The following ADGRF1 variants were observed in gnomAD, a reference collection of about 807,000 sequenced individuals.
ADGRF1 encodes the protein G protein-coupled receptor 110.
Under a neutral mutation model 87.2 loss-of-function variants are expected in ADGRF1, and 85 were observed. The ratio of observed to expected loss-of-function variants is 0.97; its 90% confidence interval spans 0.82 to 1.17. The LOEUF is 1.17. ADGRF1 is among the 50% of genes most tolerant of loss of function. The pLI, the probability that ADGRF1 is intolerant of heterozygous loss-of-function variation, is 0.00. For synonymous variants in ADGRF1, 430 were observed against 408.8 expected, an observed-to-expected ratio of 1.05 and a Z score of -0.63; for missense variants, 1,169 against 1,077.2, an observed-to-expected ratio of 1.09 and a Z score of -1.19.
chr6:47,024,560 C>T (rs1206383375), intron 4 of ADGRF1, among the ~76,000 whole-genome samples: 3 of 152,160 alleles, frequency 2.0e-5, no homozygotes, highest in Non-Finnish European at 4.4e-5. Flanking sequence ...GTGATCTGCC[C>T]GCCTTGGCCT....
intron 1 of ADGRF1, among the ~76,000 whole-genome samples, chr6:47,036,626 A>G (rs1188248101): frequency 6.6e-6 from 1 of 152,168 alleles, no homozygotes; most frequent in Non-Finnish European, 1.5e-5. Context: ...TACTTCTCCG[A>G]CTTCTCATTC....
In ADGRF1 at chr6:47,006,185, T is replaced by C. The variant is rs1779521795; in HGVS notation, c.2533-309A>G. ...AAGAGTTTCCTAACCACATGAATGG[T>C]AAGACAAGGCAATTACTTTTAGTAC... On this transcript the variant is annotated intron_variant, in intron 12 of 14. Coordinates refer to ENST00000371253, the MANE Select transcript of ADGRF1 (RefSeq NM_153840.4). 2.0e-5 allele frequency among the ~76,000 whole-genome samples: 3 copies of C among 152,298 alleles called. No individual in the cohort carries two copies. In the South Asian group the frequency reaches 6.2e-4, roughly 32 times the overall value.
Position 47,042,172 on chromosome 6 carries a change from G to A in ADGRF1, c.-44+19C>T, listed in dbSNP as rs937804692. ...GTAATACACGTTCTTAGTAATCAAA[G>A]TACAGTTATTGGGCTTACCTGGTGA... On this transcript the variant is annotated intron_variant, in intron 1 of 14. Transcript: ENST00000371253. The A allele has an allele frequency of 6.6e-6, 1 of 152,046 alleles. No individual in the cohort carries two copies. The highest frequency in any genetic ancestry group is 2.4e-5 in the African/African-American group (1 of 41,390). 9.4% of individuals were successfully genotyped at this position (152,046 alleles called of 1,614,324 possible). A position where few individuals can be genotyped will look rare whatever the true frequency, so the allele number is the denominator to read the frequency against.
chr6:47,035,063 G>C (rs1226995156), intron 1 of ADGRF1, among the ~76,000 whole-genome samples: 1 of 152,168 alleles, frequency 6.6e-6, no homozygotes, highest in African/African-American at 2.4e-5. Context: ...TGGCATTCTA[G>C]TAGGATTCAT....
Position 46,999,598 on chromosome 6 carries a change from T to C in ADGRF1, c.*624A>G, listed in dbSNP as rs1172729135. The C allele has an allele frequency of 6.6e-6, 1 of 152,294 alleles. No individual in the cohort carries two copies. The highest frequency in any genetic ancestry group is 1.5e-5 in the Non-Finnish European group (1 of 68,126). 9.4% of individuals were successfully genotyped at this position (152,294 alleles called of 1,614,324 possible). On this transcript the variant is annotated 3_prime_UTR_variant, in exon 15 of 15. Coordinates refer to ENST00000371253, the MANE Select transcript of ADGRF1 (RefSeq NM_153840.4). ...GTAAACTGAAAAATACCACATTATA[T>C]ATCATATCACATTATTATACTTTCT...
chr6:47,005,910 C>A, intron 12 of ADGRF1, 34 bp from the exon 13 acceptor site: 3 of 1,420,632 alleles, frequency 2.1e-6, no homozygotes, highest in Admixed American at 1.7e-5. Flanking sequence ...TGAGGAGATA[C>A]ACATACAATC....
In ADGRF1 at chr6:47,008,934, A is replaced by G. The variant is rs371855040; in HGVS notation, c.2490+11T>C. The G allele has an allele frequency of 2.6e-6, 4 of 1,568,078 alleles. No homozygotes were observed. Among genetic ancestry groups the G allele is most frequent in the Admixed American group, 1.8e-5 (1 of 55,670 alleles). On this transcript the variant is annotated intron_variant, in intron 11 of 14. Coordinates refer to ENST00000371253, the MANE Select transcript of ADGRF1 (RefSeq NM_153840.4). Reference sequence around the variant, plus strand: ...CTTGACAATACAATAGGTTATTGTTACTGTTCTCACCTGGAATGCATTGAG... The same window carrying G: ...CTTGACAATACAATAGGTTATTGTTGCTGTTCTCACCTGGAATGCATTGAG...
At position 47,025,962 on chromosome 6, in the gene ADGRF1, T is replaced by C; in HGVS notation, c.169A>G (p.Arg57Gly). The C allele has an allele frequency of 6.2e-7, 1 of 1,609,976 alleles. No homozygotes were observed. The highest frequency in any genetic ancestry group is 2.2e-5 in the East Asian group (1 of 44,836). Residue 57 changes from arginine (R) to glycine (G), a missense_variant, in exon 4 of 15, where the codon AGA becomes GGA. Coordinates refer to ENST00000371253, the MANE Select transcript of ADGRF1 (RefSeq NM_153840.4). ...EYQLLLQVTYRDSKEKRDLRN... is the reference protein window; with the variant it reads ...EYQLLLQVTYGDSKEKRDLRN... Reference sequence around the variant, plus strand: ...AAATCTCTTTTCTCCTTGGAATCTCTATAGGTCACCTGAAGCAGCAGCTGA... The same window carrying C: ...AAATCTCTTTTCTCCTTGGAATCTCCATAGGTCACCTGAAGCAGCAGCTGA...
At chr6:47,019,368 T>A (rs1200666627) in intron 7 of ADGRF1, 1 of 985,244 alleles carries the variant, frequency 1.0e-6, no homozygotes, top group East Asian at 1.1e-4. Flanking sequence ...ACAACATGTT[T>A]ATAGCAAATG....
intron 7 of ADGRF1, chr6:47,017,428 G>A (rs1206576715): frequency 6.6e-6 from 1 of 152,260 alleles, no homozygotes; most frequent in African/African-American, 2.4e-5. Flanking sequence ...GAAAGAGCTG[G>A]TGGTGGCTTG....
At position 47,009,599 on chromosome 6, in the gene ADGRF1, C is replaced by T. The variant is rs371586002; in HGVS notation, c.1836G>A (p.Lys612=). The T allele has an allele frequency of 1.5e-5, 25 of 1,614,010 alleles. No homozygotes were observed. Among genetic ancestry groups the T allele is most frequent in the African/African-American group, 2.7e-5 (2 of 74,906 alleles). ...LCLIIEALFW[K]QIKKSQTSHT... ...GAGAGGTTTGGCTTTTTTTAATCTG[C>T]TTCCAAAACAAAGCCTCGATGATCA... The change falls in exon 11 of 15, where the codon AAG becomes AAA. Residue 612 remains lysine (K), a synonymous_variant. Coordinates refer to ENST00000371253, the MANE Select transcript of ADGRF1 (RefSeq NM_153840.4).
At chr6:47,000,713 A>G (rs1052595055) in intron 14 of ADGRF1, among the ~76,000 whole-genome samples, 3 of 152,250 alleles carry the variant, frequency 2.0e-5, no homozygotes, top group African/African-American at 4.8e-5. Flanking sequence ...GGACAAGCAC[A>G]TTCTCCAGAC....
chr6:47,023,257 C>G (rs1467169114), intron 5 of ADGRF1, among the ~76,000 whole-genome samples: 1 of 152,200 alleles, frequency 6.6e-6, no homozygotes, highest in Non-Finnish European at 1.5e-5. Context: ...GAATTTGCCC[C>G]TGATCTGGGT....
At chr6:47,011,545 G>C (rs1779707646) in intron 10 of ADGRF1, among the ~76,000 whole-genome samples, 1 of 152,020 alleles carries the variant, frequency 6.6e-6, no homozygotes, top group African/African-American at 2.4e-5. Context: ...TTTTCTTTTT[G>C]CTTATTTGCA....
At chr6:47,012,260 A>G in intron 9 of ADGRF1, 65 bp from the exon 10 acceptor site, 1 of 1,576,922 alleles carries the variant, frequency 6.3e-7, no homozygotes, top group Non-Finnish European at 8.6e-7. Context: ...AATTTAAATC[A>G]GATGTCTTGG....
chr6:47,018,692 A>T (rs1001247323), intron 7 of ADGRF1: 2 of 840,808 alleles, frequency 2.4e-6, no homozygotes, highest in Non-Finnish European at 3.4e-6. Context: ...TGTGTGGGTC[A>T]TTTGAGGCCA....
At position 47,008,954 on chromosome 6, in the gene ADGRF1, A is replaced by G. The variant is rs149835769; in HGVS notation, c.2481T>C (p.Asn827=). The G allele has an allele frequency of 2.5e-4, 403 of 1,596,824 alleles. 1 individual carries two copies. Among genetic ancestry groups the G allele is most frequent in the Admixed American group, 1.6e-3 (94 of 58,894 alleles). ...TTGTTACTGTTCTCACCTGGAATGC[A>G]TTGAGTAAAGCAAAAATAACATGCC... is the stretch of plus-strand genomic sequence containing the variant. The part of the protein sequence containing the change: ...LAWHVIFALL[N]AFQGFFILCF... Residue 827 remains asparagine (N), a synonymous_variant, in exon 11 of 15, where the codon AAT becomes AAC. Transcript: ENST00000371253.
At chr6:47,015,788 G>T (rs558850215) in intron 8 of ADGRF1, among the ~76,000 whole-genome samples, 2 of 151,630 alleles carry the variant, frequency 1.3e-5, no homozygotes, top group Admixed American at 6.6e-5. Context: ...AGTAGAGGCG[G>T]GATTTCACCA....
At chr6:47,017,575 A>C (rs907564914) in intron 7 of ADGRF1, 2 of 152,156 alleles carry the variant, frequency 1.3e-5, no homozygotes, top group Admixed American at 1.3e-4. Context: ...TGGAAAAGCA[A>C]GTTTTTGTAT....
Sources: gnomAD v4.1 joint callset for allele counts (sites outside exome capture counted in the v4.1 genomes callset) on GRCh38, gnomAD v4.1.1 for gene constraint, MANE v1.5 for transcripts, NCBI Gene and HGNC (gene_info 2026-07-23, HGNC 2026-07-21) for gene names.